The following FAM13A variants were observed in gnomAD, a reference collection of about 807,000 sequenced individuals.
FAM13A encodes family with sequence similarity 13 member A, also known as protein FAM13A.
FAM13A carries 76 observed loss-of-function variants against 129.6 expected under a neutral mutation model. The ratio of observed to expected loss-of-function variants is 0.59; its 90% CI spans 0.49 to 0.71. FAM13A has a LOEUF of 0.71. FAM13A is among the 30% of genes least tolerant of loss of function. FAM13A has a pLI of 0.00. For synonymous variants in FAM13A, 443 were observed against 449.9 expected, an observed-to-expected ratio of 0.98 and a Z score of 0.20; for missense variants, 1,108 against 1,249.3, an observed-to-expected ratio of 0.89 and a Z score of 1.70.
chr4:88,783,237 C>T (rs755338372), intron 10 of FAM13A, among the ~76,000 whole-genome samples: 5 of 151,910 alleles, frequency 3.3e-5, no homozygotes, highest in Admixed American at 1.3e-4. Flanking sequence ...ACTATGTTTT[C>T]GTATCCATTA....
intron 1 of FAM13A, among the ~76,000 whole-genome samples, chr4:89,043,742 T>C (rs1022127713): frequency 9.2e-5 from 14 of 151,940 alleles, no homozygotes; most frequent in Admixed American, 2.6e-4. Context: ...AACAAAAAGA[T>C]AAATTGAACA....
intron 3 of FAM13A, among the ~76,000 whole-genome samples, chr4:88,992,626 C>T (rs1164801200): frequency 2.6e-5 from 4 of 152,136 alleles, no homozygotes; most frequent in African/African-American, 9.7e-5. Flanking sequence ...ACCCAGCATA[C>T]ACCCCAAAAT....
chr4:88,894,437 G>A (rs1227041186), intron 6 of FAM13A, among the ~76,000 whole-genome samples: 1 of 152,100 alleles, frequency 6.6e-6, no homozygotes, highest in Non-Finnish European at 1.5e-5. Flanking sequence ...TTTAAAACAT[G>A]CAAAGACTAT....
intron 7 of FAM13A, 116 bp from the exon 8 acceptor site, chr4:88,805,168 T>A: frequency 3.1e-6 from 2 of 655,626 alleles, no homozygotes; most frequent in Non-Finnish European, 5.5e-6. Context: ...GCCAATCACA[T>A]GATGGAATAA....
intron 6 of FAM13A, among the ~76,000 whole-genome samples, chr4:88,873,780 C>A (rs1741865761): frequency 6.6e-6 from 1 of 152,312 alleles, no homozygotes; most frequent in Admixed American, 6.5e-5. Flanking sequence ...CTCCCTAACT[C>A]ATTTTATGAG....
intron 19 of FAM13A, among the ~76,000 whole-genome samples, 180 bp downstream of exon 19, chr4:88,746,752 T>G (rs1025904954): frequency 1.3e-5 from 2 of 152,228 alleles, no homozygotes; most frequent in Admixed American, 6.5e-5. Context: ...AGATAGAACT[T>G]TCTTATTGGT....
chr4:88,913,442 AGAG>A (rs1262369985), intron 5 of FAM13A, among the ~76,000 whole-genome samples: 8 of 108,104 alleles, frequency 7.4e-5, no homozygotes, highest in Admixed American at 2.8e-4. Flanking sequence ...AGAGGGAAGA[AGAG>A]GAGGAGGAAG....
chr4:88,867,448 G>A (rs913581891), intron 6 of FAM13A, among the ~76,000 whole-genome samples: 2 of 152,232 alleles, frequency 1.3e-5, no homozygotes, highest in African/African-American at 4.8e-5. Context: ...TTTACAGGAT[G>A]ACAGCTGTCA....
At chr4:88,731,614 A>C (rs1013736839) in intron 22 of FAM13A, 186 bp from the exon 23 acceptor site, 2 of 559,030 alleles carry the variant, frequency 3.6e-6, no homozygotes, top group African/African-American at 3.8e-5. Flanking sequence ...TGCTGGCAAC[A>C]GATCCAGCTT....
At chr4:89,015,349 T>G (rs773579911) in intron 3 of FAM13A, among the ~76,000 whole-genome samples, 6 of 152,182 alleles carry the variant, frequency 3.9e-5, no homozygotes, top group Non-Finnish European at 5.9e-5. Context: ...CTCCCCCTTT[T>G]GAAAATCACT....
At position 88,758,694 on chromosome 4, in the gene FAM13A, T is replaced by G. The variant is rs73841698; in HGVS notation, c.1726+60A>C. 3.2e-3 allele frequency: 4,859 copies of G among 1,519,480 alleles called. 129 individuals carry two copies. In the African/African-American group the frequency reaches 0.058, roughly 18 times the overall value. 94.1% of individuals were successfully genotyped at this position (1,519,480 alleles called of 1,614,324 possible). A position where few individuals can be genotyped will look rare whatever the true frequency, so the allele number is the denominator to read the frequency against. On this transcript the variant is annotated intron_variant, in intron 14 of 23. Coordinates refer to ENST00000264344, the MANE Select transcript of FAM13A (RefSeq NM_014883.4). ...TCTCACATAGTTACATGCCTCTCATTTGTGCTTATTTATATATGCTTTAAT... is the reference window on the plus strand; with the variant it reads ...TCTCACATAGTTACATGCCTCTCATGTGTGCTTATTTATATATGCTTTAAT...
intron 8 of FAM13A, among the ~76,000 whole-genome samples, chr4:88,803,122 C>G (rs1727847801): frequency 6.6e-6 from 1 of 152,174 alleles, no homozygotes; most frequent in Non-Finnish European, 1.5e-5. Context: ...GGTGAGTAAC[C>G]CTCTCAGCAG....
chr4:88,753,381 T>G (rs979467822), intron 14 of FAM13A, among the ~76,000 whole-genome samples: 30 of 152,376 alleles, frequency 2.0e-4, no homozygotes, highest in African/African-American at 7.2e-4. Flanking sequence ...GTTGCTTTAC[T>G]GACAAGGAAA....
chr4:88,775,110 A>T (rs1721416039), intron 11 of FAM13A, among the ~76,000 whole-genome samples: 1 of 152,218 alleles, frequency 6.6e-6, no homozygotes, highest in African/African-American at 2.4e-5. Context: ...AGCATGATTT[A>T]TGGGAGCTTA....
At chr4:88,861,811 T>C (rs1351287240) in intron 6 of FAM13A, among the ~76,000 whole-genome samples, 1 of 152,202 alleles carries the variant, frequency 6.6e-6, no homozygotes, top group Non-Finnish European at 1.5e-5. Flanking sequence ...TATCTATCTA[T>C]CTATTCTCAT....
intron 4 of FAM13A, among the ~76,000 whole-genome samples, chr4:88,967,260 G>A (rs751493822): frequency 1.2e-4 from 19 of 152,136 alleles, no homozygotes; most frequent in South Asian, 6.2e-4. Flanking sequence ...CAGGCAGTAC[G>A]TCTCTCTGAT....
At chr4:88,999,553 AAT>A (rs1394488622) in intron 3 of FAM13A, among the ~76,000 whole-genome samples, 1 of 152,202 alleles carries the variant, frequency 6.6e-6, no homozygotes, top group East Asian at 1.9e-4. Flanking sequence ...AAGTACAGTA[AAT>A]ATATAGTTTC....
At chr4:89,015,400 G>A (rs369185381) in intron 3 of FAM13A, among the ~76,000 whole-genome samples, 5 of 152,066 alleles carry the variant, frequency 3.3e-5, no homozygotes, top group African/African-American at 1.2e-4. Context: ...GGGGCATCAC[G>A]GAACCTGCTG....
In FAM13A at chr4:88,746,934, G is replaced by GC; in HGVS notation, c.2463dup (p.Pro822AlafsTer28). On this transcript the variant is annotated frameshift_variant, in exon 19 of 24. Coordinates refer to ENST00000264344, the MANE Select transcript of FAM13A (RefSeq NM_014883.4). LOFTEE classifies it high-confidence loss of function. ...AGAAAATTTACTACATCACATACCGGCCGTCCATGAATGCTTTCATAATAT... is the reference window on the plus strand; with the variant it reads ...AGAAAATTTACTACATCACATACCGGCCCGTCCATGAATGCTTTCATAATAT... 6.2e-7 allele frequency: 1 copy of GC among 1,607,056 alleles called. No homozygotes were observed. The highest frequency in any genetic ancestry group is 8.5e-7 in the Non-Finnish European group (1 of 1,173,698).
Sources: allele counts gnomAD v4.1 joint callset (sites outside exome capture counted in the v4.1 genomes callset), GRCh38; gene constraint gnomAD v4.1.1; transcripts MANE v1.5; gene names NCBI Gene and HGNC (gene_info 2026-07-23, HGNC 2026-07-21).